SCHIP1: variants seen among roughly 807,000 people sequenced by gnomAD.
SCHIP1 encodes schwannomin-interacting protein 1.
A neutral mutation model predicts 29.7 loss-of-function variants in SCHIP1; 8 were observed. That is an observed-to-expected ratio of 0.27 (90% CI 0.16 to 0.49). SCHIP1 has a LOEUF of 0.49. SCHIP1 is among the 20% of genes least tolerant of loss of function. The pLI, the probability that SCHIP1 is intolerant of heterozygous loss-of-function variation, is 0.99. For synonymous variants in SCHIP1, 76 were observed against 94.9 expected, an observed-to-expected ratio of 0.80 and a Z score of 1.16; for missense variants, 193 against 294.6, an observed-to-expected ratio of 0.66 and a Z score of 2.52.
chr3:159,688,798 T>G, the SCHIP1 span, among the ~76,000 whole-genome samples: 1 of 152,210 alleles, frequency 6.6e-6, no homozygotes, highest in Non-Finnish European at 1.5e-5. Context: ...AAGGGTCCAG[T>G]TCCAGTTTTC....
chr3:159,495,520 G>C, the SCHIP1 span, among the ~76,000 whole-genome samples: 1 of 152,146 alleles, frequency 6.6e-6, no homozygotes, highest in African/African-American at 2.4e-5. Flanking sequence ...GCTTCAAAGA[G>C]AATAAAATAC....
At chr3:159,769,745 C>A in the SCHIP1 span, among the ~76,000 whole-genome samples, 5 of 151,958 alleles carry the variant, frequency 3.3e-5, no homozygotes, top group Admixed American at 1.3e-4. Context: ...AGTGAAGCTT[C>A]GTCTCAAAAA....
chr3:159,386,223 G>C, the SCHIP1 span, among the ~76,000 whole-genome samples: 1 of 152,126 alleles, frequency 6.6e-6, no homozygotes, highest in African/African-American at 2.4e-5. Context: ...TAATGGGATG[G>C]CTGGGTCAAA....
the SCHIP1 span, among the ~76,000 whole-genome samples, chr3:159,480,293 C>G: frequency 6.6e-6 from 1 of 152,022 alleles, no homozygotes; most frequent in Non-Finnish European, 1.5e-5. Context: ...ATCTCTTGCC[C>G]CACTATTCTC....
chr3:159,807,227 C>G, the SCHIP1 span, among the ~76,000 whole-genome samples: 3 of 152,182 alleles, frequency 2.0e-5, no homozygotes, highest in Admixed American at 6.5e-5. Context: ...GTAAGTCTAT[C>G]ATAGTCCACC....
chr3:159,488,536 G>T, the SCHIP1 span, among the ~76,000 whole-genome samples: 1 of 152,138 alleles, frequency 6.6e-6, no homozygotes, highest in African/African-American at 2.4e-5. Flanking sequence ...GGGACATGGG[G>T]ACAGAGGGAA....
the SCHIP1 span, among the ~76,000 whole-genome samples, chr3:159,536,858 A>T: frequency 6.6e-6 from 1 of 152,194 alleles, no homozygotes; most frequent in South Asian, 2.1e-4. Context: ...CATAAAACTC[A>T]TCTCTTCCTA....
chr3:159,324,749 G>A, the SCHIP1 span, among the ~76,000 whole-genome samples: 2 of 151,940 alleles, frequency 1.3e-5, no homozygotes, highest in African/African-American at 4.8e-5. Context: ...AATAATAGAG[G>A]GACTAAAGGT....
the SCHIP1 span, among the ~76,000 whole-genome samples, chr3:159,737,118 A>G: frequency 2.0e-5 from 3 of 152,146 alleles, no homozygotes; most frequent in Non-Finnish European, 4.4e-5. Context: ...AATTTCCACT[A>G]AAGTGGGGAG....
the SCHIP1 span, among the ~76,000 whole-genome samples, chr3:159,372,268 A>C: frequency 2.0e-5 from 3 of 152,158 alleles, no homozygotes; most frequent in Admixed American, 1.3e-4. Context: ...ACAAATTGTT[A>C]ATTAGAATTG....
chr3:159,597,995 T>C, the SCHIP1 span, among the ~76,000 whole-genome samples: 2 of 152,104 alleles, frequency 1.3e-5, no homozygotes, highest in East Asian at 3.9e-4. Flanking sequence ...ATAGTGAGCA[T>C]AGGGGAAACT....
the SCHIP1 span, among the ~76,000 whole-genome samples, chr3:159,487,184 G>T: frequency 6.6e-6 from 1 of 152,194 alleles, no homozygotes; most frequent in African/African-American, 2.4e-5. Flanking sequence ...GGGAATGTGG[G>T]TGTGCAATTG....
the SCHIP1 span, among the ~76,000 whole-genome samples, chr3:159,827,435 G>A: frequency 3.9e-5 from 6 of 152,172 alleles, no homozygotes; most frequent in Admixed American, 2.6e-4. Flanking sequence ...TTTCTGTCCT[G>A]TGTTCAGTGA....
At chr3:159,719,511 T>G in the SCHIP1 span, among the ~76,000 whole-genome samples, 1 of 152,146 alleles carries the variant, frequency 6.6e-6, no homozygotes, top group Admixed American at 6.5e-5. Flanking sequence ...ATCCAGAATC[T>G]ACAAAGAACT....
chr3:159,596,952 AAAAT>A, the SCHIP1 span, among the ~76,000 whole-genome samples: 40 of 151,840 alleles, frequency 2.6e-4, no homozygotes, highest in African/African-American at 8.7e-4. Context: ...TATAATAATA[AAAAT>A]AAATAAAGCA....
chr3:159,806,039 A>G, the SCHIP1 span, among the ~76,000 whole-genome samples: 1 of 152,002 alleles, frequency 6.6e-6, no homozygotes, highest in African/African-American at 2.4e-5. Context: ...CAAACTCCTG[A>G]CCTCAGGTGA....
chr3:159,326,218 T>C, the SCHIP1 span, among the ~76,000 whole-genome samples: 4,413 of 152,266 alleles, frequency 0.029, 91 homozygotes, highest in East Asian at 0.11. Flanking sequence ...GAATTACCCA[T>C]TCCTTCTTGT....
At chr3:159,848,439 C>T (rs1466872624) in intron 1 of SCHIP1, among the ~76,000 whole-genome samples, 1 of 152,186 alleles carries the variant, frequency 6.6e-6, no homozygotes, top group African/African-American at 2.4e-5. Flanking sequence ...GCTCAAGTCT[C>T]TGCCAAGGTG....
At chr3:159,791,170 G>T in the SCHIP1 span, among the ~76,000 whole-genome samples, 2 of 152,208 alleles carry the variant, frequency 1.3e-5, no homozygotes, top group African/African-American at 2.4e-5. Flanking sequence ...CAACCACTCA[G>T]TGCAGGGAGG....
Sources: allele counts gnomAD v4.1 joint callset (sites outside exome capture counted in the v4.1 genomes callset), GRCh38; gene constraint gnomAD v4.1.1; transcripts MANE v1.5; gene names NCBI Gene and HGNC (gene_info 2026-07-23, HGNC 2026-07-21).